Variants in KRABD4 observed in about 807,000 individuals in gnomAD.
KRABD4 encodes KRAB domain containing 4, also known as KRAB domain-containing protein 4.
the KRABD4 span, chrX:46,463,338 T>A: frequency 2.0e-5 from 24 of 1,178,052 alleles, no homozygotes; most frequent in Non-Finnish European, 2.4e-5. Flanking sequence ...GGAGACCAGG[T>A]TGGTTGGTGA....
the KRABD4 span, chrX:46,450,608 T>C: frequency 1.9e-6 from 1 of 518,915 alleles, no homozygotes. Flanking sequence ...TCTCAACCTC[T>C]GGTTTCTCTG....
At chrX:46,459,975 A>C in the KRABD4 span, among the ~76,000 whole-genome samples, 3 of 112,107 alleles carry the variant, frequency 2.7e-5, no homozygotes, top group Admixed American at 9.5e-5. Flanking sequence ...TAGTCCCACA[A>C]GACTGCCCTG....
the KRABD4 span, chrX:46,473,306 A>G: frequency 2.6e-6 from 3 of 1,168,109 alleles, no homozygotes; most frequent in African/African-American, 5.4e-5. Flanking sequence ...CTCATAGCAC[A>G]CCAGAGAACT....
At chrX:46,470,672 A>G in the KRABD4 span, among the ~76,000 whole-genome samples, 1 of 110,049 alleles carries the variant, frequency 9.1e-6, no homozygotes. Flanking sequence ...TTTCTAATAT[A>G]TGCATTCAGT....
chrX:46,463,184 T>A, the KRABD4 span: 3 of 1,205,241 alleles, frequency 2.5e-6, no homozygotes, highest in Non-Finnish European at 3.4e-6. Context: ...TCCTATGTCA[T>A]TTCCCCCGAA....
the KRABD4 span, among the ~76,000 whole-genome samples, chrX:46,469,760 A>G: frequency 2.7e-5 from 3 of 111,906 alleles, no homozygotes; most frequent in Non-Finnish European, 5.7e-5. Flanking sequence ...AGGGCAACAT[A>G]CTTGCCTTGA....
the KRABD4 span, chrX:46,474,379 G>A: frequency 1.8e-5 from 2 of 111,478 alleles, no homozygotes; most frequent in Admixed American, 9.5e-5. Context: ...GATGGAAGGC[G>A]TGAATAGAAA....
At chrX:46,455,466 G>A in the KRABD4 span, 1 of 428,089 alleles carries the variant, frequency 2.3e-6, no homozygotes. Context: ...CCTCAGGCTT[G>A]CCTTTTTTAA....
the KRABD4 span, among the ~76,000 whole-genome samples, chrX:46,468,060 CTTATAT>C: frequency 1.8e-4 from 20 of 111,294 alleles, no homozygotes; most frequent in East Asian, 2.0e-3. Context: ...AATTTTAGTT[CTTATAT>C]TTATAAGTCT....
the KRABD4 span, chrX:46,472,839 C>T: frequency 8.3e-7 from 1 of 1,210,105 alleles, no homozygotes; most frequent in African/African-American, 1.7e-5. Flanking sequence ...CAAGGAAACA[C>T]TGAAGGATGA....
At chrX:46,455,766 C>T in the KRABD4 span, 1 of 380,449 alleles carries the variant, frequency 2.6e-6, no homozygotes, top group Non-Finnish European at 4.8e-6. Flanking sequence ...CTGGTACTGA[C>T]TGGTGCTGAG....
the KRABD4 span, chrX:46,455,433 A>G: frequency 9.1e-6 from 4 of 441,541 alleles, no homozygotes. Context: ...TTACCACTGT[A>G]CAGTATGGGT....
chrX:46,450,016 C>T, the KRABD4 span, among the ~76,000 whole-genome samples: 2 of 111,657 alleles, frequency 1.8e-5, no homozygotes, highest in African/African-American at 6.5e-5. Context: ...ATCAGCCTCC[C>T]AAAGTGCTGG....
At chrX:46,463,023 T>C in the KRABD4 span, 5 of 1,077,758 alleles carry the variant, frequency 4.6e-6, no homozygotes, top group Non-Finnish European at 6.3e-6. Flanking sequence ...GTATTCGTAG[T>C]CTCCTTTGGA....
At chrX:46,473,458 C>A in the KRABD4 span, 1 of 1,050,485 alleles carries the variant, frequency 9.5e-7, no homozygotes, top group Admixed American at 2.9e-5. Context: ...AGTAGGAAGT[C>A]AACTCTCATT....
At chrX:46,457,675 G>T in the KRABD4 span, among the ~76,000 whole-genome samples, 4 of 104,578 alleles carry the variant, frequency 3.8e-5, no homozygotes, top group Admixed American at 4.1e-4. Context: ...ATTTTGCATG[G>T]GTTGTTTTTA....
At chrX:46,451,069 A>G in the KRABD4 span, among the ~76,000 whole-genome samples, 1 of 111,923 alleles carries the variant, frequency 8.9e-6, no homozygotes. Context: ...GTTTACATAC[A>G]TAGATTCATC....
chrX:46,463,530 C>T, the KRABD4 span: 32 of 450,835 alleles, frequency 7.1e-5, no homozygotes, highest in Non-Finnish European at 8.2e-5. Flanking sequence ...GTTCTGAGAT[C>T]CCATTTCTAC....
At chrX:46,459,967 G>C in the KRABD4 span, among the ~76,000 whole-genome samples, 1 of 112,031 alleles carries the variant, frequency 8.9e-6, no homozygotes, top group South Asian at 3.7e-4. Flanking sequence ...TGAGGGCTTA[G>C]TCCCACAAGA....
Sources: allele counts gnomAD v4.1 joint callset (sites outside exome capture counted in the v4.1 genomes callset), GRCh38; gene constraint gnomAD v4.1.1; transcripts MANE v1.5; gene names NCBI Gene and HGNC (gene_info 2026-07-23, HGNC 2026-07-21).